Variants in STAG2 observed in about 807,000 individuals in gnomAD.
The protein encoded by STAG2 is cohesin subunit SA-2.
A neutral mutation model predicts 108.1 loss-of-function variants in STAG2; 14 were observed. The observed-to-expected ratio is 0.13, with a 90% CI of 0.09 to 0.20. STAG2 has a LOEUF of 0.20. Among genes scored for constraint, STAG2 ranks in the 10% least tolerant of loss-of-function variants. STAG2 has a pLI of 1.00. For synonymous variants in STAG2, 307 were observed against 302.7 expected (o/e 1.01, Z -0.15); for missense variants, 440 against 940.9 (o/e 0.47, Z 6.96).
chrX:124,062,552 C>G (rs1369380045), intron 17 of STAG2, among the ~76,000 whole-genome samples: 2 of 111,998 alleles, frequency 1.8e-5, no homozygotes, highest in East Asian at 5.5e-4. Context: ...CTAGAGTAAG[C>G]AGAAATGCTG....
chrX:124,076,492 G>C (rs747692675), intron 26 of STAG2, 21 bp downstream of exon 26: 2 of 1,122,994 alleles, frequency 1.8e-6, no homozygotes, highest in Admixed American at 6.2e-5. Context: ...AAAATGGATA[G>C]CAAGATAGTT....
In STAG2 at chrX:124,031,131, A is replaced by AT; in HGVS notation, c.288+9dup. 2 of 1,198,390 alleles carry AT rather than the reference A, an allele frequency of 1.7e-6. No individual in the cohort carries two copies. Among genetic ancestry groups the AT allele is most frequent in the Non-Finnish European group, 2.2e-6 (2 of 889,603 alleles). On this transcript the variant is annotated splice_region_variant and intron_variant, in intron 5 of 34. Transcript: ENST00000371145. ...TGGGCAAGAGTGCTATGCAGGTAAG[A>AT]TTTATGTTGTTCTTCCCAGTTCATT...
intron 4 of STAG2, among the ~76,000 whole-genome samples, chrX:124,028,816 ATATATAT>A (rs1380971451): frequency 2.2e-4 from 18 of 81,712 alleles, no homozygotes; most frequent in South Asian, 6.2e-4. Context: ...ATATATATAT[ATATATAT>A]TTTTTTTTTT....
intron 1 of STAG2, among the ~76,000 whole-genome samples, chrX:123,973,901 A>G (rs988614688): frequency 1.7e-4 from 19 of 110,967 alleles, no homozygotes; most frequent in African/African-American, 6.2e-4. Context: ...ACTAGATTAC[A>G]TAGTCTCTGC....
intron 15 of STAG2, among the ~76,000 whole-genome samples, chrX:124,059,271 C>G (rs1246491182): frequency 1.8e-5 from 2 of 112,554 alleles, no homozygotes; most frequent in African/African-American, 6.5e-5. Flanking sequence ...GAGTCAAGAT[C>G]ATGCTGCTGC....
intron 1 of STAG2, among the ~76,000 whole-genome samples, chrX:123,980,109 A>G (rs1231865800): frequency 8.9e-6 from 1 of 111,962 alleles, no homozygotes; most frequent in Non-Finnish European, 1.9e-5. Context: ...CATAGTAGTA[A>G]TAATATTTTA....
chrX:124,050,362 C>T, intron 11 of STAG2, 53 bp downstream of exon 11: 5 of 1,131,470 alleles, frequency 4.4e-6, no homozygotes, highest in Admixed American at 2.5e-5. Flanking sequence ...TGGCTGTCTG[C>T]ACCTCTCATT....
At chrX:123,968,936 C>G (rs2054227054) in intron 1 of STAG2, among the ~76,000 whole-genome samples, 1 of 111,953 alleles carries the variant, frequency 8.9e-6, no homozygotes, top group Non-Finnish European at 1.9e-5. Flanking sequence ...GATTCACACT[C>G]AGATTAGCCT....
At chrX:123,966,389 G>A (rs1261498825) in intron 1 of STAG2, among the ~76,000 whole-genome samples, 2 of 109,160 alleles carry the variant, frequency 1.8e-5, no homozygotes, top group African/African-American at 6.7e-5. Context: ...TTGAACCTGG[G>A]AGGCAGAGGT....
rs2148536227 is a variant in STAG2 at position 124,100,581 on chromosome X, G to T, written c.3791G>T (p.Gly1264Val). 8.3e-7 allele frequency: 1 copy of T among 1,198,448 alleles called. No individual in the cohort carries two copies. The highest frequency in any genetic ancestry group is 1.1e-6 in the Non-Finnish European group (1 of 885,305). The change falls in exon 35 of 35, where the codon GGA becomes GTA. Residue 1264 changes from glycine to valine, a missense_variant. Gly to Val is a moderately radical substitution (Grantham distance 109). Transcript: ENST00000371145. ...CTCTCTCTCTCTCATTAGGTTCTTGGAGTGTCAATGTTTTAATACCAGTAC... is the reference window on the plus strand; with the variant it reads ...CTCTCTCTCTCTCATTAGGTTCTTGTAGTGTCAATGTTTTAATACCAGTAC... The part of the protein sequence containing the change: ...PASIMDESVL[G>V]VSMF
intron 1 of STAG2, among the ~76,000 whole-genome samples, chrX:123,995,348 C>T (rs2055680516): frequency 8.9e-6 from 1 of 111,984 alleles, no homozygotes; most frequent in African/African-American, 3.2e-5. Context: ...GAACTTTTGA[C>T]TTAAGAAGCC....
At chrX:124,002,828 G>A (rs868199280) in intron 1 of STAG2, among the ~76,000 whole-genome samples, 1 of 59,411 alleles carries the variant, frequency 1.7e-5, no homozygotes, top group African/African-American at 6.5e-5. Flanking sequence ...TTTTTTTTTT[G>A]TATTTTTAGT....
intron 24 of STAG2, among the ~76,000 whole-genome samples, chrX:124,069,821 A>G (rs996828085): frequency 1.8e-5 from 2 of 111,741 alleles, no homozygotes; most frequent in African/African-American, 6.5e-5. Context: ...TTTAATTTTC[A>G]TCTCTATAAT....
chrX:123,960,602 CAAAAAAAAAAAAAAAAAAAAA>C (rs1208693829), upstream of STAG2: 11 of 7,013 alleles, frequency 1.6e-3, no homozygotes, highest in African/African-American at 3.8e-3. Flanking sequence ...GAAGCGCCAC[CAAAAAAAAAAAAAAAAAAAAA>C]AAAAAAAAAA....
intron 6 of STAG2, among the ~76,000 whole-genome samples, chrX:124,040,914 G>A (rs1229160407): frequency 1.6e-4 from 15 of 91,530 alleles, no homozygotes; most frequent in African/African-American, 6.3e-4. Flanking sequence ...GCTCTGGAGT[G>A]CAGTGGTGTG....
At chrX:124,059,702 T>G (rs1250020835) in intron 15 of STAG2, among the ~76,000 whole-genome samples, 2 of 111,848 alleles carry the variant, frequency 1.8e-5, no homozygotes, top group Non-Finnish European at 3.8e-5. Context: ...GCTCTGTCAC[T>G]CAGCCTGAAG....
intron 5 of STAG2, among the ~76,000 whole-genome samples, chrX:124,035,325 A>G (rs1265454226): frequency 8.9e-6 from 1 of 111,978 alleles, no homozygotes. Flanking sequence ...TATTTTTATT[A>G]TAGCAGACTT....
intron 1 of STAG2, among the ~76,000 whole-genome samples, chrX:123,967,274 T>G (rs1008779602): frequency 1.1e-5 from 1 of 95,181 alleles, no homozygotes; most frequent in Non-Finnish European, 2.1e-5. Flanking sequence ...TTTTTTTTTT[T>G]TTTTTTTTGA....
intron 1 of STAG2, among the ~76,000 whole-genome samples, chrX:123,969,358 T>A (rs1276561414): frequency 8.9e-6 from 1 of 111,818 alleles, no homozygotes; most frequent in Admixed American, 9.5e-5. Context: ...TGTTCCCCAG[T>A]CCTTCAGCTT....
Sources: allele counts gnomAD v4.1 joint callset (sites outside exome capture counted in the v4.1 genomes callset), GRCh38; gene constraint gnomAD v4.1.1; transcripts MANE v1.5; gene names NCBI Gene and HGNC (gene_info 2026-07-23, HGNC 2026-07-21).